The following ADGRA1 variants were observed in gnomAD, a reference collection of about 807,000 sequenced individuals.
The protein encoded by ADGRA1 is G-protein coupled receptor 123.
A neutral mutation model predicts 21.3 loss-of-function variants in ADGRA1; 12 were observed. That is an observed-to-expected ratio of 0.56 (90% CI 0.36 to 0.91). The LOEUF is 0.91. Among genes scored for constraint, ADGRA1 ranks in the 40% least tolerant of loss-of-function variants. The pLI, the probability that ADGRA1 is intolerant of heterozygous loss-of-function variation, is 0.01. For synonymous variants in ADGRA1, 385 were observed against 368.8 expected, an observed-to-expected ratio of 1.04 and a Z score of -0.50; for missense variants, 790 against 805.6, an observed-to-expected ratio of 0.98 and a Z score of 0.23.
chr10:133,104,530 C>T (rs561189426), intron 5 of ADGRA1, among the ~76,000 whole-genome samples: 4 of 152,302 alleles, frequency 2.6e-5, no homozygotes, highest in South Asian at 2.1e-4. Flanking sequence ...GACCCAGCGA[C>T]GGCAAGGCCC....
At position 133,095,921 on chromosome 10, in the gene ADGRA1, T is replaced by G. The variant is rs894449134; in HGVS notation, c.4-1053T>G. 1.3e-5 allele frequency: 15 copies of G among 1,150,070 alleles called. No individual in the cohort carries two copies. In the African/African-American group the frequency reaches 2.3e-4, roughly 18 times the overall value. 71.2% of individuals were successfully genotyped at this position (1,150,070 alleles called of 1,614,324 possible). ...GCCCAGGGCAGCATCCATGGCGTGG[T>G]CAGAGTGGCTGGAGCCTGGCACAGG... On this transcript the variant is annotated intron_variant, in intron 2 of 6. Coordinates refer to ENST00000392607, the MANE Select transcript of ADGRA1 (RefSeq NM_001083909.3).
chr10:133,115,362 G>A (rs536382657), intron 5 of ADGRA1, among the ~76,000 whole-genome samples: 43 of 152,170 alleles, frequency 2.8e-4, no homozygotes, highest in Middle Eastern at 3.2e-3. Flanking sequence ...CACAGGGAGC[G>A]GGGAACCCCA....
At chr10:133,120,776 C>A (rs1228072288) in intron 5 of ADGRA1, among the ~76,000 whole-genome samples, 1 of 152,216 alleles carries the variant, frequency 6.6e-6, no homozygotes, top group Non-Finnish European at 1.5e-5. Context: ...GCTGGAGGAG[C>A]ACTTTTAATT....
chr10:133,089,059 C>G (rs1224529093), intron 2 of ADGRA1, 147 bp downstream of exon 2: 1 of 1,230,192 alleles, frequency 8.1e-7, no homozygotes, highest in African/African-American at 1.6e-5. Flanking sequence ...GGGTGGGAGG[C>G]TCTGTGGAGT....
intron 4 of ADGRA1, among the ~76,000 whole-genome samples, chr10:133,100,525 A>G (rs1434483787): frequency 6.6e-6 from 1 of 152,220 alleles, no homozygotes; most frequent in Non-Finnish European, 1.5e-5. Context: ...CTGCGGTGAC[A>G]GCTCGGGGCG....
intron 5 of ADGRA1, among the ~76,000 whole-genome samples, chr10:133,126,755 C>T (rs981441705): frequency 3.3e-5 from 5 of 152,198 alleles, no homozygotes; most frequent in African/African-American, 4.8e-5. Flanking sequence ...GATACTTCGG[C>T]CCTCCGACCT....
At chr10:133,115,115 G>A (rs1291930232) in intron 5 of ADGRA1, among the ~76,000 whole-genome samples, 2 of 152,148 alleles carry the variant, frequency 1.3e-5, no homozygotes, top group Non-Finnish European at 2.9e-5. Flanking sequence ...GTCCCGGAAG[G>A]GCCCAGTGGT....
rs1262277942 is a variant in ADGRA1 at position 133,095,550 on chromosome 10, T to C, written c.4-1424T>C. On this transcript the variant is annotated intron_variant, in intron 2 of 6. Transcript: ENST00000392607. ...CAGGTCCAGGCTCCTCGTCCCGGGATGCAGGGCCCCTCCGGTGCCCGCCTG... is the reference window on the plus strand; with the variant it reads ...CAGGTCCAGGCTCCTCGTCCCGGGACGCAGGGCCCCTCCGGTGCCCGCCTG... The C allele has an allele frequency of 2.2e-6, 3 of 1,364,028 alleles. No homozygotes were observed. In the East Asian group the frequency reaches 7.6e-5, roughly 35 times the overall value. The allele number at this position is 1,364,028 out of a possible 1,614,324, so 84.5% of individuals were successfully genotyped here. A position where few individuals can be genotyped will look rare whatever the true frequency, so the allele number is the denominator to read the frequency against.
intron 4 of ADGRA1, chr10:133,102,105 G>A (rs567375998): frequency 5.6e-5 from 23 of 414,208 alleles, no homozygotes; most frequent in African/African-American, 1.2e-4. Flanking sequence ...ATAAGCAAAC[G>A]CAGGAAGTTT....
chr10:133,124,760 C>T (rs988466026), intron 5 of ADGRA1, among the ~76,000 whole-genome samples: 6 of 152,230 alleles, frequency 3.9e-5, no homozygotes, highest in African/African-American at 7.2e-5. Context: ...ACCGGTGGGC[C>T]GAGGCTGTTG....
intron 5 of ADGRA1, among the ~76,000 whole-genome samples, chr10:133,124,512 C>T (rs1196281509): frequency 2.6e-5 from 4 of 152,234 alleles, no homozygotes; most frequent in Admixed American, 6.5e-5. Context: ...CCCTGGCGTG[C>T]GAGCCGCTGC....
At chr10:133,088,584 C>T (rs1413482979) in intron 1 of ADGRA1, 124 bp from the exon 2 acceptor site, 1 of 522,970 alleles carries the variant, frequency 1.9e-6, no homozygotes, top group South Asian at 9.6e-5. Context: ...GGCGCAGCCC[C>T]CAGGCCGCCC....
At chr10:133,100,977 C>T (rs1430741579) in intron 4 of ADGRA1, among the ~76,000 whole-genome samples, 1 of 152,218 alleles carries the variant, frequency 6.6e-6, no homozygotes, top group Non-Finnish European at 1.5e-5. Flanking sequence ...GCGACGTTCT[C>T]CGAGCTCCCC....
chr10:133,114,931 C>T (rs1342836572), intron 5 of ADGRA1, among the ~76,000 whole-genome samples: 5 of 152,214 alleles, frequency 3.3e-5, no homozygotes, highest in South Asian at 2.1e-4. Context: ...GTGCCAGCCT[C>T]GGGTCCACAC....
intron 5 of ADGRA1, among the ~76,000 whole-genome samples, chr10:133,105,831 C>T (rs1851884871): frequency 6.6e-6 from 1 of 152,210 alleles, no homozygotes; most frequent in Non-Finnish European, 1.5e-5. Flanking sequence ...GAGAAGCCAG[C>T]AGCCTCTGCG....
intron 5 of ADGRA1, among the ~76,000 whole-genome samples, chr10:133,109,972 G>C (rs867664168): frequency 2.0e-4 from 30 of 152,332 alleles, no homozygotes; most frequent in Middle Eastern, 3.4e-3. Flanking sequence ...GGCATTCCTG[G>C]GTGTGGTTTG....
rs189808572 is a variant in ADGRA1 at position 133,100,223 on chromosome 10, G to A, written c.255+1460G>A. ...GCCCCGGCGGAGGAGTCGCTGGCACGCACCTGAAGGTGGCTAAGGTCAGAC... is the reference window on the plus strand; with the variant it reads ...GCCCCGGCGGAGGAGTCGCTGGCACACACCTGAAGGTGGCTAAGGTCAGAC... On this transcript the variant is annotated intron_variant, in intron 4 of 6. Coordinates refer to ENST00000392607, the MANE Select transcript of ADGRA1 (RefSeq NM_001083909.3). 1.4e-3 allele frequency among the ~76,000 whole-genome samples: 209 copies of A among 152,348 alleles called. 2 individuals carry two copies. The South Asian group carries it at 0.018, about 13-fold the overall frequency.
In ADGRA1 at chr10:133,129,685, C is replaced by A. The variant is rs1852474784; in HGVS notation, c.*174C>A. ...CCCCTTCCTTGTGATCACACCCCTG[C>A]CCCTTCCTTGTGATCACACCCCTGC... On this transcript the variant is annotated 3_prime_UTR_variant, in exon 7 of 7. Transcript: ENST00000392607. 5.0e-6 allele frequency: 2 copies of A among 402,850 alleles called. No homozygotes were observed. Among genetic ancestry groups the A allele is most frequent in the East Asian group, 6.3e-5 (2 of 31,580 alleles). The allele number at this position is 402,850 out of a possible 1,614,324, so 25.0% of individuals were successfully genotyped here.
At chr10:133,097,577 G>C (rs1051020650) in intron 3 of ADGRA1, among the ~76,000 whole-genome samples, 2 of 152,176 alleles carry the variant, frequency 1.3e-5, no homozygotes, top group African/African-American at 4.8e-5. Context: ...CCTCGGTCAC[G>C]GACAGAGCTT....
Sources: allele counts gnomAD v4.1 joint callset (sites outside exome capture counted in the v4.1 genomes callset), GRCh38; gene constraint gnomAD v4.1.1; transcripts MANE v1.5; gene names NCBI Gene and HGNC (gene_info 2026-07-23, HGNC 2026-07-21).